The following TNS1 variants were observed in gnomAD, a reference collection of about 807,000 sequenced individuals.
TNS1 encodes tensin 1, also known as tensin-1.
Under a neutral mutation model 168.6 loss-of-function variants are expected in TNS1, and 62 were observed. That is an observed-to-expected ratio of 0.37 (90% CI 0.30 to 0.45). TNS1 has a LOEUF of 0.45. TNS1 is among the 20% of genes least tolerant of loss of function. The pLI is 1.00. For synonymous variants in TNS1, 934 were observed against 933.2 expected (o/e 1.00, Z -0.02); for missense variants, 2,240 against 2,339.4 (o/e 0.96, Z 0.88).
intron 18 of TNS1, among the ~76,000 whole-genome samples, chr2:217,867,227 T>C (rs1257266978): frequency 1.3e-5 from 2 of 152,200 alleles, no homozygotes; most frequent in African/African-American, 2.4e-5. Context: ...CAAATCACTG[T>C]CTGGGAGCAT....
chr2:217,858,667 C>T (rs1948451803), intron 18 of TNS1: 1 of 280,550 alleles, frequency 3.6e-6, no homozygotes, highest in Non-Finnish European at 5.2e-6. Context: ...CCTGCCTGCC[C>T]ATGTACACAC....
rs1951856949 is a variant in TNS1 at position 217,892,678 on chromosome 2, G to A, written c.782+270C>T. Among the ~76,000 whole-genome samples the A allele has an allele frequency of 2.6e-5, 4 of 152,160 alleles. No homozygotes were observed. The South Asian group carries it at 6.2e-4, about 24-fold the overall frequency. On this transcript the variant is annotated intron_variant, in intron 11 of 32. Transcript: ENST00000682258. ...TTTGGCAAGGAAAAGTGGCTCCGAG[G>A]AGCTGGCCGCATGGGTTGCTCAGGA...
At chr2:217,905,762 C>T (rs1012896372) in intron 6 of TNS1, among the ~76,000 whole-genome samples, 1 of 152,218 alleles carries the variant, frequency 6.6e-6, no homozygotes, top group Non-Finnish European at 1.5e-5. Context: ...TGGAAGAGAC[C>T]CCGAGCCCTT....
chr2:217,898,081 G>T, intron 7 of TNS1, 112 bp from the exon 8 acceptor site: 1 of 1,249,996 alleles, frequency 8.0e-7, no homozygotes. Flanking sequence ...GCAGCCCAGG[G>T]TGCTTGGCTG....
At chr2:218,002,663 G>A (rs995067538) in intron 1 of TNS1, among the ~76,000 whole-genome samples, 177 bp downstream of exon 1, 3 of 152,224 alleles carry the variant, frequency 2.0e-5, no homozygotes, top group East Asian at 1.9e-4. Flanking sequence ...AAAGTCTTCC[G>A]GCTGAGGGTT....
At chr2:217,940,820 G>A (rs770041024) in intron 3 of TNS1, among the ~76,000 whole-genome samples, 5 of 152,066 alleles carry the variant, frequency 3.3e-5, no homozygotes, top group Admixed American at 1.3e-4. Flanking sequence ...AAGCCCACCC[G>A]GAAGCACTCA....
At chr2:218,001,235 C>T (rs1016966925) in intron 1 of TNS1, among the ~76,000 whole-genome samples, 18 of 152,224 alleles carry the variant, frequency 1.2e-4, no homozygotes, top group African/African-American at 3.9e-4. Flanking sequence ...AGACTCTTCC[C>T]CTTACTCTCA....
At chr2:217,967,199 T>C (rs978095556) in intron 3 of TNS1, among the ~76,000 whole-genome samples, 1 of 152,126 alleles carries the variant, frequency 6.6e-6, no homozygotes, top group African/African-American at 2.4e-5. Context: ...CAGGCACCTG[T>C]AGTCCCAGCT....
chr2:217,939,381 A>G (rs2125931991), intron 3 of TNS1, among the ~76,000 whole-genome samples: 1 of 152,318 alleles, frequency 6.6e-6, no homozygotes, highest in East Asian at 1.9e-4. Flanking sequence ...TTAGCCAGCC[A>G]TCCATGTTGA....
rs564618564 is a variant in TNS1, at chr2:217,831,502, C to A, written c.3326G>T (p.Gly1109Val). Residue 1109 changes from glycine to valine, a missense_variant, in exon 22 of 33, where the codon GGC (glycine) becomes GTC (valine). Physicochemically the swap from Gly to Val is moderately radical, Grantham distance 109. This residue lies in a region of TNS1 where 2,131 missense variants were observed against 2,171.2 expected (regional missense o/e 0.98). Coordinates refer to ENST00000682258, the MANE Select transcript of TNS1 (RefSeq NM_001387777.1). ...GTCCGCTGGGTTGTGAGGTTTCAGGCCCAGAGCAGACAGGGGTGTCTTGGC... is the reference window on the plus strand; with the variant it reads ...GTCCGCTGGGTTGTGAGGTTTCAGGACCAGAGCAGACAGGGGTGTCTTGGC... ...GLAKTPLSAL[G>V]LKPHNPADIL... is the part of the protein sequence containing the mutation. 2.5e-6 allele frequency: 4 copies of A among 1,577,372 alleles called. No homozygotes were observed. The highest frequency in any genetic ancestry group is 2.3e-5 in the South Asian group (2 of 85,618).
At chr2:217,896,507 A>G (rs1952320475) in intron 8 of TNS1, among the ~76,000 whole-genome samples, 1 of 152,186 alleles carries the variant, frequency 6.6e-6, no homozygotes, top group South Asian at 2.1e-4. Context: ...TGCGCTACAA[A>G]CCAAGGAATC....
At chr2:217,960,864 C>A (rs956866094) in intron 3 of TNS1, among the ~76,000 whole-genome samples, 3 of 152,144 alleles carry the variant, frequency 2.0e-5, no homozygotes, top group East Asian at 1.9e-4. Context: ...CACCTGGTTA[C>A]CCTCAGTGAC....
chr2:218,031,743 G>A (rs1958901987), intron 1 of TNS1, among the ~76,000 whole-genome samples: 2 of 152,198 alleles, frequency 1.3e-5, no homozygotes, highest in South Asian at 2.1e-4. Context: ...GGGGGAGGGA[G>A]TCAGACCAGA....
At chr2:217,900,846 T>C (rs1351964854) in intron 6 of TNS1, among the ~76,000 whole-genome samples, 1 of 152,122 alleles carries the variant, frequency 6.6e-6, no homozygotes, top group African/African-American at 2.4e-5. Context: ...TTCACTTTGA[T>C]ACACTCGCCA....
Position 217,804,332 on chromosome 2 carries a change from G to A in TNS1, c.*127C>T. On this transcript the variant is annotated 3_prime_UTR_variant, in exon 33 of 33. Transcript: ENST00000682258. ...CAATTCACTTCCCTCTCCCCACGTT[G>A]CACTTTCTTCTCTCCTCCGAAATTG... 1 of 1,106,782 alleles carries A rather than the reference G, an allele frequency of 9.0e-7. No individual in the cohort carries two copies. The highest frequency in any genetic ancestry group is 1.3e-6 in the Non-Finnish European group (1 of 771,858). The allele number at this position is 1,106,782 out of a possible 1,614,324, so 68.6% of individuals were successfully genotyped here. A position where few individuals can be genotyped will look rare whatever the true frequency, so the allele number is the denominator to read the frequency against.
intron 22 of TNS1, among the ~76,000 whole-genome samples, chr2:217,822,310 G>C (rs1259832878): frequency 6.6e-6 from 1 of 152,162 alleles, no homozygotes; most frequent in Non-Finnish European, 1.5e-5. Flanking sequence ...TGCCACTAGA[G>C]TCTGGGGCCC....
chr2:217,903,559 C>A (rs1451101534), intron 6 of TNS1: 2 of 1,527,690 alleles, frequency 1.3e-6, no homozygotes, highest in Non-Finnish European at 8.8e-7. Flanking sequence ...CAGAACTTTT[C>A]ATCCAACTCT....
At chr2:218,025,294 G>A (rs1958841481) in intron 1 of TNS1, among the ~76,000 whole-genome samples, 1 of 152,140 alleles carries the variant, frequency 6.6e-6, no homozygotes, top group Non-Finnish European at 1.5e-5. Flanking sequence ...TGTCACCCAG[G>A]GTGGAGTGCA....
intron 22 of TNS1, among the ~76,000 whole-genome samples, chr2:217,828,719 G>C (rs187928764): frequency 2.2e-4 from 34 of 152,338 alleles, no homozygotes; most frequent in Non-Finnish European, 2.4e-4. Flanking sequence ...GTTCCTCTGG[G>C]ACCCATAGAC....
Sources: allele counts gnomAD v4.1 joint callset (sites outside exome capture counted in the v4.1 genomes callset), GRCh38; gene constraint gnomAD v4.1.1; regional missense constraint gnomAD v4.1.1; transcripts MANE v1.5; gene names NCBI Gene and HGNC (gene_info 2026-07-23, HGNC 2026-07-21).